Variants in CACNG7 observed in about 807,000 individuals in gnomAD.
CACNG7 encodes the protein calcium voltage-gated channel auxiliary subunit gamma 7.
A neutral mutation model predicts 26.3 loss-of-function variants in CACNG7; 9 were observed. The observed-to-expected ratio is 0.34, with a 90% CI of 0.21 to 0.60. The LOEUF is 0.60. CACNG7 is among the 20% of genes least tolerant of loss of function. The probability of loss-of-function intolerance (pLI) is 0.81; values close to 1 mark genes in which losing one functional copy is unlikely to be tolerated. For synonymous variants in CACNG7, 170 were observed against 157.0 expected, an observed-to-expected ratio of 1.08 and a Z score of -0.62; for missense variants, 297 against 380.4, an observed-to-expected ratio of 0.78 and a Z score of 1.82.
chr19:53,928,903 G>A (rs1250931343), intron 4 of CACNG7, among the ~76,000 whole-genome samples: 3 of 151,920 alleles, frequency 2.0e-5, no homozygotes, highest in Non-Finnish European at 2.9e-5. Context: ...GAAGTCAGGG[G>A]TTCGAGACCA....
At position 53,927,068 on chromosome 19, in the gene CACNG7, T is replaced by G. The variant is rs565447102; in HGVS notation, c.424+11563T>G. Among the ~76,000 whole-genome samples the G allele has an allele frequency of 2.6e-5, 4 of 152,178 alleles. No individual in the cohort carries two copies. In the East Asian group the frequency reaches 7.7e-4, roughly 29 times the overall value. On this transcript the variant is annotated intron_variant, in intron 4 of 5. Coordinates refer to ENST00000391767, the MANE Select transcript of CACNG7 (RefSeq NM_031896.5). ...CCATGTAGCTGGGATTACAGGCACCTGCCACCACGCCTGGCTAATTTTTGT... is the reference window on the plus strand; with the variant it reads ...CCATGTAGCTGGGATTACAGGCACCGGCCACCACGCCTGGCTAATTTTTGT...
chr19:53,923,422 TCTGGTATTGGTGGAGTTGTCCCCAGGC>T (rs1568776316), intron 4 of CACNG7, among the ~76,000 whole-genome samples: 1 of 120,322 alleles, frequency 8.3e-6, no homozygotes, highest in African/African-American at 3.4e-5. Flanking sequence ...TGTCCCCAGG[TCTGGTATTGGTGGAGTTGTCCCCAGGC>T]CTGGTCATTG....
chr19:53,941,063 A>C (rs1429291415), intron 4 of CACNG7, among the ~76,000 whole-genome samples: 1 of 2,442 alleles, frequency 4.1e-4, no homozygotes, highest in Non-Finnish European at 6.4e-4. Context: ...CTCCATTTCA[A>C]AAAAAAAAAA....
At chr19:53,925,781 G>T (rs1206294392) in intron 4 of CACNG7, among the ~76,000 whole-genome samples, 1 of 152,232 alleles carries the variant, frequency 6.6e-6, no homozygotes, top group African/African-American at 2.4e-5. Flanking sequence ...TGCTTGTGTA[G>T]TGGCCCAGGC....
chr19:53,929,445 T>C (rs1198330652), intron 4 of CACNG7, among the ~76,000 whole-genome samples: 1 of 152,016 alleles, frequency 6.6e-6, no homozygotes, highest in Non-Finnish European at 1.5e-5. Flanking sequence ...TCATGATCAT[T>C]CTCTTTATTT....
At position 53,914,503 on chromosome 19, in the gene CACNG7, G is replaced by A. The variant is rs747198707; in HGVS notation, c.200G>A (p.Arg67Gln). ...TGTCTGTTTCTCTTCCCCCCAGGTCGGGAGAAAGGTCGCTGTGTGGCCTCA... is the reference window on the plus strand; with the variant it reads ...TGTCTGTTTCTCTTCCCCCCAGGTCAGGAGAAAGGTCGCTGTGTGGCCTCA... ...GLWRVCFFAG[R>Q]EKGRCVASEY... Residue 67 changes from arginine to glutamine, a missense_variant, in exon 3 of 6, where the codon CGG becomes CAG. Coordinates refer to ENST00000391767, the MANE Select transcript of CACNG7 (RefSeq NM_031896.5). 28 of 1,613,790 alleles carry A rather than the reference G, an allele frequency of 1.7e-5. No individual in the cohort carries two copies. The highest frequency in any genetic ancestry group is 1.3e-4 in the South Asian group (12 of 91,068).
chr19:53,922,379 C>G (rs2068967665), intron 4 of CACNG7, among the ~76,000 whole-genome samples: 1 of 104,088 alleles, frequency 9.6e-6, no homozygotes, highest in Admixed American at 9.4e-5. Context: ...CAGGCCTGGT[C>G]ATTGGTGGAG....
intron 4 of CACNG7, among the ~76,000 whole-genome samples, chr19:53,921,768 T>C (rs499277): frequency 3.1e-4 from 18 of 58,346 alleles, no homozygotes; most frequent in African/African-American, 4.9e-4. Flanking sequence ...GGTGGAGTTG[T>C]CCCAGGTCTG....
rs969190016 is a variant in CACNG7 at position 53,939,038 on chromosome 19, C to T, written c.425-2432C>T. On this transcript the variant is annotated intron_variant, in intron 4 of 5. Coordinates refer to ENST00000391767, the MANE Select transcript of CACNG7 (RefSeq NM_031896.5). The surrounding 1 kb of genome is among the most constrained non-coding windows in gnomAD (Gnocchi z 4.2). ...TTGGGAGGCCAAGGTGGGCAGATCA[C>T]TTAAGGTCAGGAGTTTGAGACCAGC... 2.0e-5 allele frequency among the ~76,000 whole-genome samples: 3 copies of T among 152,016 alleles called. No homozygotes were observed. The highest frequency in any genetic ancestry group is 7.2e-5 in the African/African-American group (3 of 41,404).
intron 4 of CACNG7, among the ~76,000 whole-genome samples, chr19:53,932,739 TTTG>T (rs2069080856): frequency 6.6e-6 from 1 of 152,180 alleles, no homozygotes; most frequent in Admixed American, 6.6e-5. Context: ...AATTTGCATT[TTTG>T]TTATGTGGAA....
chr19:53,937,264 A>T (rs1296699369), intron 4 of CACNG7, among the ~76,000 whole-genome samples: 1 of 152,100 alleles, frequency 6.6e-6, no homozygotes, highest in Non-Finnish European at 1.5e-5. Flanking sequence ...CACGGGAGAG[A>T]TATCCTCAGG....
chr19:53,937,074 G>A (rs1365700510), intron 4 of CACNG7, among the ~76,000 whole-genome samples: 2 of 152,000 alleles, frequency 1.3e-5, no homozygotes, highest in African/African-American at 2.4e-5. Flanking sequence ...ATTTTTAGTA[G>A]AGATGGGGTC....
At chr19:53,917,640 A>G (rs1255246986) in intron 4 of CACNG7, among the ~76,000 whole-genome samples, 1 of 152,218 alleles carries the variant, frequency 6.6e-6, no homozygotes, top group Non-Finnish European at 1.5e-5. Context: ...TAAGACACGG[A>G]GAATATCACG....
At chr19:53,910,650 G>C (rs3810249) in intron 1 of CACNG7, among the ~76,000 whole-genome samples, 18,613 of 152,050 alleles carry the variant, frequency 0.12, 3,111 homozygotes, top group African/African-American at 0.38. Context: ...ACGGGATTGC[G>C]TGGCTTGGGG....
At chr19:53,919,818 G>GT in intron 4 of CACNG7, among the ~76,000 whole-genome samples, 1 of 137,932 alleles carries the variant, frequency 7.2e-6, no homozygotes, top group Non-Finnish European at 1.5e-5. Context: ...TGGTGGAGTT[G>GT]CCCCAGGTCT....
chr19:53,911,120 G>A (rs1220639642), intron 1 of CACNG7, among the ~76,000 whole-genome samples: 1 of 151,718 alleles, frequency 6.6e-6, no homozygotes, highest in East Asian at 1.9e-4. Context: ...AGGCTGAAGT[G>A]CAATGGTGCT....
chr19:53,942,405 A>C lies in CACNG7; in HGVS notation c.*112A>C. 1 of 1,507,288 alleles carries C rather than the reference A, an allele frequency of 6.6e-7. No individual in the cohort carries two copies. Among genetic ancestry groups the C allele is most frequent in the Non-Finnish European group, 8.8e-7 (1 of 1,132,086 alleles). 93.4% of individuals were successfully genotyped at this position (1,507,288 alleles called of 1,614,324 possible). The stretch of plus-strand genomic sequence containing the variant: ...GGGACTCCTCGCTCCCACCCGGAGG[A>C]GGCTGCGCCAGCTTTAGGCCCCGCC... On this transcript the variant is annotated 3_prime_UTR_variant, in exon 6 of 6. Transcript: ENST00000391767. This position sits in a 1 kb window ranked among gnomAD's most constrained non-coding sequence, Gnocchi z 5.9.
intron 4 of CACNG7, among the ~76,000 whole-genome samples, chr19:53,924,263 CTGGTCATTGGTGGACTTTCCCCAGGT>C: frequency 7.1e-6 from 1 of 140,710 alleles, no homozygotes; most frequent in South Asian, 2.4e-4. Flanking sequence ...TGCCCCAGGT[CTGGTCATTGGTGGACTTTCCCCAGGT>C]CTGGTCATTG....
intron 1 of CACNG7, among the ~76,000 whole-genome samples, chr19:53,910,112 G>T (rs1049885765): frequency 2.6e-5 from 4 of 152,162 alleles, no homozygotes; most frequent in African/African-American, 9.7e-5. Flanking sequence ...TTTAAAACGG[G>T]GTGCGAGAAT....
Sources: gnomAD v4.1 joint callset for allele counts (sites outside exome capture counted in the v4.1 genomes callset) on GRCh38, gnomAD v4.1.1 for gene constraint, Gnocchi (gnomAD v3.1) non-coding constraint, MANE v1.5 for transcripts, NCBI Gene and HGNC (gene_info 2026-07-23, HGNC 2026-07-21) for gene names.